Variants in ZNF407 observed in about 807,000 individuals in gnomAD.
ZNF407 encodes zinc finger protein 407.
A neutral mutation model predicts 131.2 loss-of-function variants in ZNF407; 17 were observed. The observed-to-expected ratio is 0.13, with a 90% confidence interval of 0.09 to 0.19. The LOEUF is 0.19. ZNF407 is among the 10% of genes least tolerant of loss of function. ZNF407 has a pLI of 1.00. For missense variants in ZNF407, 2,681 were observed against 2,830.6 expected (o/e 0.95, Z 1.20); for synonymous variants, 1,156 against 1,062.0 (o/e 1.09, Z -1.72).
At chr18:74,695,332 C>A (rs1047752386) in intron 3 of ZNF407, among the ~76,000 whole-genome samples, 2 of 152,094 alleles carry the variant, frequency 1.3e-5, no homozygotes, top group African/African-American at 4.8e-5. Context: ...GGTGCAATAC[C>A]CTGCTTCGTT....
At chr18:74,918,850 C>G (rs554625872) in intron 7 of ZNF407, among the ~76,000 whole-genome samples, 24 of 152,006 alleles carry the variant, frequency 1.6e-4, no homozygotes, top group Non-Finnish European at 4.4e-5. Flanking sequence ...TCTTTCTAGT[C>G]TTTTTCCTAG....
intron 8 of ZNF407, among the ~76,000 whole-genome samples, chr18:74,958,846 C>A (rs1031309946): frequency 1.2e-4 from 19 of 152,152 alleles, no homozygotes; most frequent in African/African-American, 3.9e-4. Flanking sequence ...GTGAGGAAGT[C>A]ACTGGGCATG....
chr18:74,801,111 A>G (rs1337449351), intron 4 of ZNF407, among the ~76,000 whole-genome samples: 1 of 152,154 alleles, frequency 6.6e-6, no homozygotes, highest in African/African-American at 2.4e-5. Context: ...TCTTTTTGGA[A>G]TACTTGGAAA....
chr18:74,971,089 G>A (rs1972467139), intron 8 of ZNF407, among the ~76,000 whole-genome samples: 1 of 152,208 alleles, frequency 6.6e-6, no homozygotes, highest in Admixed American at 6.5e-5. Context: ...TTCAGCCATG[G>A]CTGGAGTGGC....
At chr18:74,921,158 C>G (rs367931962) in intron 8 of ZNF407, 1 of 387,018 alleles carries the variant, frequency 2.6e-6, no homozygotes, top group Middle Eastern at 1.3e-3. Flanking sequence ...TGGGTGGTAA[C>G]GGTGCTGTGC....
chr18:74,877,906 G>T (rs1971181692), intron 5 of ZNF407, among the ~76,000 whole-genome samples: 2 of 152,174 alleles, frequency 1.3e-5, no homozygotes, highest in Admixed American at 6.5e-5. Flanking sequence ...TTGATACAAA[G>T]ACACTAATCC....
At chr18:74,647,963 A>C (rs1347566771) in intron 3 of ZNF407, among the ~76,000 whole-genome samples, 1 of 152,140 alleles carries the variant, frequency 6.6e-6, no homozygotes, top group East Asian at 1.9e-4. Flanking sequence ...TTTTTAACAG[A>C]GCGAACATGA....
At chr18:74,692,905 G>A (rs1047703440) in intron 3 of ZNF407, among the ~76,000 whole-genome samples, 1 of 152,144 alleles carries the variant, frequency 6.6e-6, no homozygotes, top group Admixed American at 6.5e-5. Flanking sequence ...TTATGGCAGA[G>A]AACTGCCTGT....
intron 6 of ZNF407, among the ~76,000 whole-genome samples, chr18:74,889,640 C>T (rs1418551007): frequency 6.6e-6 from 1 of 152,070 alleles, no homozygotes; most frequent in Non-Finnish European, 1.5e-5. Flanking sequence ...AGTGCTGAAC[C>T]ATCCCTAGAA....
chr18:74,648,507 G>T (rs1985078375), intron 3 of ZNF407, among the ~76,000 whole-genome samples: 1 of 152,174 alleles, frequency 6.6e-6, no homozygotes, highest in Non-Finnish European at 1.5e-5. Context: ...CTGTGTGTAG[G>T]CAGTGAAGAG....
intron 4 of ZNF407, among the ~76,000 whole-genome samples, chr18:74,819,480 C>A (rs1462315397): frequency 2.6e-5 from 4 of 152,184 alleles, no homozygotes; most frequent in Non-Finnish European, 5.9e-5. Flanking sequence ...TACATGATCA[C>A]CCCAATGTCT....
intron 1 of ZNF407, among the ~76,000 whole-genome samples, chr18:74,598,733 GCAGTGGGTTTCT>G (rs1982431830): frequency 6.6e-6 from 1 of 152,284 alleles, no homozygotes; most frequent in Admixed American, 6.5e-5. Flanking sequence ...GCTGCGGGCA[GCAGTGGGTTTCT>G]CAGTAGATGC....
intron 4 of ZNF407, among the ~76,000 whole-genome samples, chr18:74,795,689 G>C (rs966547056): frequency 1.3e-5 from 2 of 152,184 alleles, no homozygotes; most frequent in African/African-American, 4.8e-5. Context: ...CAAATGTTTT[G>C]CCATGTACTG....
intron 3 of ZNF407, among the ~76,000 whole-genome samples, chr18:74,678,954 T>C (rs1369080470): frequency 8.0e-6 from 1 of 125,062 alleles, no homozygotes; most frequent in Admixed American, 7.6e-5. Flanking sequence ...GTAAGCTATA[T>C]AGTAAAATGG....
At chr18:74,981,640 C>G (rs1184854595) in intron 8 of ZNF407, among the ~76,000 whole-genome samples, 3 of 151,924 alleles carry the variant, frequency 2.0e-5, no homozygotes, top group Non-Finnish European at 4.4e-5. Flanking sequence ...ACGGAGGGCA[C>G]TGTCGCTCGG....
intron 1 of ZNF407, among the ~76,000 whole-genome samples, chr18:74,603,837 TACCTC>T (rs1271435716): frequency 6.6e-6 from 1 of 152,240 alleles, no homozygotes; most frequent in African/African-American, 2.4e-5. Context: ...CTTCCAGTGT[TACCTC>T]AACTATGTAA....
intron 4 of ZNF407, among the ~76,000 whole-genome samples, chr18:74,802,303 A>G (rs1165013791): frequency 1.3e-5 from 2 of 152,218 alleles, no homozygotes; most frequent in African/African-American, 4.8e-5. Flanking sequence ...GTGAATCATG[A>G]TGTTACTAGT....
rs745741963 is a variant in ZNF407, at chr18:74,633,721, A to G, written c.2702A>G (p.Lys901Arg). 3 of 1,613,952 alleles carry G rather than the reference A, an allele frequency of 1.9e-6. No homozygotes were observed. Among genetic ancestry groups the G allele is most frequent in the South Asian group, 1.1e-5 (1 of 91,088 alleles). Reference sequence around the variant, plus strand: ...GATATGGAACGTCATTGTGCCACCAAGAAACATAAAGGACGGGTAGAAATA... The same window carrying G: ...GATATGGAACGTCATTGTGCCACCAGGAAACATAAAGGACGGGTAGAAATA... Reference protein sequence around the residue: ...KGDMERHCATKKHKGRVEIEA... With the variant: ...KGDMERHCATRKHKGRVEIEA... Residue 901 changes from lysine to arginine, a missense_variant, in exon 2 of 9, where the codon AAG becomes AGG. Coordinates refer to ENST00000299687, the MANE Select transcript of ZNF407 (RefSeq NM_017757.3).
chr18:74,786,916 C>T (rs1969729444), intron 4 of ZNF407, among the ~76,000 whole-genome samples: 1 of 145,620 alleles, frequency 6.9e-6, no homozygotes. Flanking sequence ...AGCAATTCTC[C>T]TGCCTCAGGT....
Sources: gnomAD v4.1 joint callset for allele counts (sites outside exome capture counted in the v4.1 genomes callset) on GRCh38, gnomAD v4.1.1 for gene constraint, MANE v1.5 for transcripts, NCBI Gene and HGNC (gene_info 2026-07-23, HGNC 2026-07-21) for gene names.